Variants in FBXO11 observed in about 807,000 individuals in gnomAD.
The protein encoded by FBXO11 is F-box protein 11.
In FBXO11, 13 loss-of-function variants were observed where a neutral mutation model predicts 117.0. That is an observed-to-expected ratio of 0.11 (90% CI 0.07 to 0.18). The LOEUF (loss-of-function observed/expected upper bound fraction) is 0.18, where lower values mean the gene tolerates loss of function less well. Ranked by LOEUF, FBXO11 falls within the 10% of genes least tolerant of loss-of-function variation. The pLI is 1.00. For synonymous variants in FBXO11, 490 were observed against 380.5 expected (o/e 1.29, Z -3.35); for missense variants, 767 against 1,164.4 (o/e 0.66, Z 4.97).
At chr2:47,860,202 G>C (rs1257701312) in intron 1 of FBXO11, among the ~76,000 whole-genome samples, 1 of 152,016 alleles carries the variant, frequency 6.6e-6, no homozygotes, top group African/African-American at 2.4e-5. Flanking sequence ...GAAACTGCTG[G>C]GCACTTTATT....
intron 7 of FBXO11, 72 bp downstream of exon 7, chr2:47,834,507 T>C (rs757487103): frequency 1.1e-5 from 13 of 1,190,488 alleles, no homozygotes; most frequent in Non-Finnish European, 1.5e-5. Flanking sequence ...TTTAAGTCAC[T>C]AGCATTTTTA....
At chr2:47,836,909 A>T (rs952866182) in intron 4 of FBXO11, 7 of 362,044 alleles carry the variant, frequency 1.9e-5, no homozygotes, top group Admixed American at 3.6e-5. Flanking sequence ...TTATTTTTTG[A>T]TTTTTTTTTG....
At position 47,832,405 on chromosome 2, in the gene FBXO11, G is replaced by C. The variant is rs749297387; in HGVS notation, c.1342C>G (p.Arg448Gly). 6.2e-7 allele frequency: 1 copy of C among 1,613,332 alleles called. No individual in the cohort carries two copies. Among genetic ancestry groups the C allele is most frequent in the Non-Finnish European group, 8.5e-7 (1 of 1,179,540 alleles). ...VKNHGNPIIR[R>G]NHIHHGRDVG... is the part of the protein sequence containing the mutation. ...TCACGTCCATGATGAATATGATTCC[G>C]TCTAATAATTGGGTTTCCATGATTT... The change falls in exon 11 of 23, where the codon CGG becomes GGG. Residue 448 changes from arginine to glycine, a missense_variant. Arg to Gly is a moderately radical substitution (Grantham distance 125). Around this residue, in one of 10 missense-constraint regions of FBXO11, gnomAD observed 33 missense variants for 66.1 expected, o/e 0.50. Coordinates refer to ENST00000403359, the MANE Select transcript of FBXO11 (RefSeq NM_001190274.2).
At chr2:47,890,854 A>G (rs1428391856) in intron 1 of FBXO11, among the ~76,000 whole-genome samples, 3 of 151,962 alleles carry the variant, frequency 2.0e-5, no homozygotes, top group African/African-American at 7.2e-5. Context: ...GTCTTGCTCT[A>G]TTGCTCACGC....
At chr2:47,821,678 T>TA (rs1463729784) in intron 13 of FBXO11, among the ~76,000 whole-genome samples, 1 of 151,076 alleles carries the variant, frequency 6.6e-6, no homozygotes, top group Non-Finnish European at 1.5e-5. Flanking sequence ...CCAGCTACTC[T>TA]GGAGGCTGAG....
intron 1 of FBXO11, among the ~76,000 whole-genome samples, chr2:47,880,976 C>T (rs1010783375): frequency 6.6e-6 from 1 of 151,874 alleles, no homozygotes; most frequent in African/African-American, 2.4e-5. Flanking sequence ...ATGTTTGGGC[C>T]GGGCATGGTG....
At chr2:47,870,761 G>A (rs1318354840) in intron 1 of FBXO11, among the ~76,000 whole-genome samples, 5 of 152,184 alleles carry the variant, frequency 3.3e-5, no homozygotes, top group Non-Finnish European at 4.4e-5. Context: ...AAGCTAGTAT[G>A]AGCACTCACA....
chr2:47,815,751 G>T (rs1321187553), intron 16 of FBXO11, among the ~76,000 whole-genome samples: 7 of 152,230 alleles, frequency 4.6e-5, no homozygotes, highest in Admixed American at 4.6e-4. Flanking sequence ...AAGAATCCCA[G>T]ATGTAAGGTT....
At chr2:47,843,793 T>G (rs1673198166) in intron 1 of FBXO11, among the ~76,000 whole-genome samples, 3 of 152,176 alleles carry the variant, frequency 2.0e-5, no homozygotes, top group Non-Finnish European at 4.4e-5. Flanking sequence ...CAGGTTGGAG[T>G]GCAATGGCGT....
chr2:47,903,480 C>T (rs1678455392), intron 1 of FBXO11, among the ~76,000 whole-genome samples: 2 of 152,166 alleles, frequency 1.3e-5, no homozygotes, highest in Non-Finnish European at 2.9e-5. Context: ...CTGCCAACAA[C>T]CAAGTCACCT....
chr2:47,895,134 C>T (rs1015200637), intron 1 of FBXO11, among the ~76,000 whole-genome samples: 1 of 152,000 alleles, frequency 6.6e-6, no homozygotes, highest in African/African-American at 2.4e-5. Context: ...ATAAAACTCA[C>T]ACGGAATGTG....
chr2:47,827,002 G>A (rs1671804409), intron 11 of FBXO11, among the ~76,000 whole-genome samples: 1 of 152,202 alleles, frequency 6.6e-6, no homozygotes, highest in Non-Finnish European at 1.5e-5. Flanking sequence ...CCTGGTCACA[G>A]GCATGCAGTC....
intron 1 of FBXO11, among the ~76,000 whole-genome samples, chr2:47,889,908 G>A (rs1677134652): frequency 6.6e-6 from 1 of 152,050 alleles, no homozygotes; most frequent in African/African-American, 2.4e-5. Flanking sequence ...CATTCAACAG[G>A]CTTGTGAGCA....
At position 47,839,090 on chromosome 2, in the gene FBXO11, T is replaced by C. The variant is rs1041505105; in HGVS notation, c.443-87A>G. ...CACAGTTTTCATTTTATCTAATGAA[T>C]AGCTTTTTTTTTTTGGATAATGGTC... On this transcript the variant is annotated intron_variant, in intron 3 of 22. Coordinates refer to ENST00000403359, the MANE Select transcript of FBXO11 (RefSeq NM_001190274.2). 1.6e-4 allele frequency: 221 copies of C among 1,379,932 alleles called. 1 individual carries two copies. The highest frequency in any genetic ancestry group is 2.1e-4 in the Non-Finnish European group (210 of 1,020,158). The allele number at this position is 1,379,932 out of a possible 1,614,324, so 85.5% of individuals were successfully genotyped here. A position where few individuals can be genotyped will look rare whatever the true frequency, so the allele number is the denominator to read the frequency against.
At chr2:47,870,334 G>A (rs1419084897) in intron 1 of FBXO11, among the ~76,000 whole-genome samples, 2 of 152,256 alleles carry the variant, frequency 1.3e-5, no homozygotes, top group African/African-American at 2.4e-5. Flanking sequence ...CTGTGTGTGG[G>A]CTGAATTGTG....
intron 16 of FBXO11, 86 bp from the exon 17 acceptor site, chr2:47,813,953 C>G (rs766574532): frequency 2.0e-6 from 2 of 977,756 alleles, no homozygotes; most frequent in Non-Finnish European, 3.2e-6. Flanking sequence ...TGGAGAAATC[C>G]ACATAAGTCA....
At chr2:47,875,731 C>CGGA (rs1226760989) in intron 1 of FBXO11, among the ~76,000 whole-genome samples, 2 of 151,962 alleles carry the variant, frequency 1.3e-5, no homozygotes, top group African/African-American at 4.8e-5. Flanking sequence ...GTCATAATAT[C>CGGA]TACCCTTCTA....
intron 1 of FBXO11, among the ~76,000 whole-genome samples, chr2:47,901,838 T>C (rs1309708342): frequency 6.6e-6 from 1 of 152,216 alleles, no homozygotes; most frequent in Non-Finnish European, 1.5e-5. Flanking sequence ...AGCTAACTCC[T>C]TCTAGAATTT....
chr2:47,864,582 C>T (rs1225737156), intron 1 of FBXO11, among the ~76,000 whole-genome samples: 1 of 152,024 alleles, frequency 6.6e-6, no homozygotes, highest in African/African-American at 2.4e-5. Flanking sequence ...AGTAAAACTC[C>T]ATCTCACAAA....
Sources: allele counts gnomAD v4.1 joint callset (sites outside exome capture counted in the v4.1 genomes callset), GRCh38; gene constraint gnomAD v4.1.1; regional missense constraint gnomAD v4.1.1; transcripts MANE v1.5; gene names NCBI Gene and HGNC (gene_info 2026-07-23, HGNC 2026-07-21).